The following GTF2H5 variants were observed in gnomAD, a reference collection of about 807,000 sequenced individuals.
The protein encoded by GTF2H5 is general transcription factor IIH subunit 5, also known as TFB5 ortholog.
Under a neutral mutation model 7.1 loss-of-function variants are expected in GTF2H5, and 5 were observed. The observed-to-expected ratio is 0.71, with a 90% CI of 0.37 to 1.49. The LOEUF (loss-of-function observed/expected upper bound fraction) is 1.49. GTF2H5 is among the 40% of genes most tolerant of loss of function. GTF2H5 has a pLI of 0.03. For synonymous variants in GTF2H5, 30 were observed against 31.7 expected (o/e 0.95, Z 0.18); for missense variants, 80 against 83.0 (o/e 0.96, Z 0.14).
intron 2 of GTF2H5, among the ~76,000 whole-genome samples, chr6:158,180,146 T>C (rs987106775): frequency 6.6e-6 from 1 of 152,214 alleles, no homozygotes; most frequent in Admixed American, 6.5e-5. Context: ...GTTTTTGTCA[T>C]TGGTTCTGTT....
chr6:158,169,652 T>A (rs11758927), intron 1 of GTF2H5, among the ~76,000 whole-genome samples: 1 of 53,324 alleles, frequency 1.9e-5, no homozygotes, highest in African/African-American at 1.4e-4. Context: ...TATTGTATAT[T>A]ACATATAATA....
intron 2 of GTF2H5, among the ~76,000 whole-genome samples, chr6:158,180,073 G>A (rs76338829): frequency 5.9e-5 from 9 of 151,990 alleles, no homozygotes; most frequent in East Asian, 1.9e-4. Context: ...GAATTTTGTC[G>A]AAGGCCTTTT....
chr6:158,196,803 G>C lies in GTF2H5; in HGVS notation c.*4646G>C, dbSNP rs889839457. 1 of 152,202 alleles carries C rather than the reference G, an allele frequency of 6.6e-6. No homozygotes were observed. Among genetic ancestry groups the C allele is most frequent in the African/African-American group, 2.4e-5 (1 of 41,440 alleles). The allele number at this position is 152,202 out of a possible 1,614,324, so 9.4% of individuals were successfully genotyped here. A position where few individuals can be genotyped will look rare whatever the true frequency, so the allele number is the denominator to read the frequency against. On this transcript the variant is annotated 3_prime_UTR_variant, in exon 3 of 3. Coordinates refer to ENST00000607778, the MANE Select transcript of GTF2H5 (RefSeq NM_207118.3). Reference sequence around the variant, plus strand: ...TTTTAAGAAAGGACAAGACAATGTTGAAGATGAAACCTACAGCAGCAGACC... The same window carrying C: ...TTTTAAGAAAGGACAAGACAATGTTCAAGATGAAACCTACAGCAGCAGACC...
chr6:158,174,898 T>A (rs1009575824), intron 2 of GTF2H5, among the ~76,000 whole-genome samples: 2 of 152,292 alleles, frequency 1.3e-5, no homozygotes, highest in African/African-American at 4.8e-5. Context: ...GCAAAACCAG[T>A]CTAACCATTG....
At chr6:158,188,244 C>G (rs147815090) in intron 2 of GTF2H5, among the ~76,000 whole-genome samples, 8 of 152,282 alleles carry the variant, frequency 5.3e-5, no homozygotes, top group African/African-American at 1.9e-4. Context: ...TGACTCTCCC[C>G]TCCCCAGCCA....
At chr6:158,169,918 G>A (rs1210411597) in intron 1 of GTF2H5, among the ~76,000 whole-genome samples, 2 of 149,230 alleles carry the variant, frequency 1.3e-5, no homozygotes, top group Admixed American at 6.9e-5. Flanking sequence ...TACTCGGGAG[G>A]CTGAGGTGGG....
At position 158,198,569 on chromosome 6, in the gene GTF2H5, C is replaced by T. The variant is rs1777148026; in HGVS notation, c.*6412C>T. ...AGCCATCCCTATAGGCATGCGCCACCACACTTTGCTAATCTTGTATTTTTG... is the reference window on the plus strand; with the variant it reads ...AGCCATCCCTATAGGCATGCGCCACTACACTTTGCTAATCTTGTATTTTTG... On this transcript the variant is annotated 3_prime_UTR_variant, in exon 3 of 3. Transcript: ENST00000607778. The T allele has an allele frequency of 2.6e-5, 4 of 152,236 alleles. No homozygotes were observed. Among genetic ancestry groups the T allele is most frequent in the Admixed American group, 2.6e-4 (4 of 15,278 alleles). 9.4% of individuals were successfully genotyped at this position (152,236 alleles called of 1,614,324 possible).
At chr6:158,172,847 G>A (rs929228121) in intron 2 of GTF2H5, among the ~76,000 whole-genome samples, 4 of 151,824 alleles carry the variant, frequency 2.6e-5, no homozygotes, top group African/African-American at 4.8e-5. Flanking sequence ...TTAAACCTAC[G>A]TTTTAATTTG....
At position 158,198,681 on chromosome 6, in the gene GTF2H5, C is replaced by CT. The variant is rs1562479246; in HGVS notation, c.*6524_*6525insT. 1 of 152,088 alleles carries CT rather than the reference C, an allele frequency of 6.6e-6. No individual in the cohort carries two copies. The highest frequency in any genetic ancestry group is 1.5e-5 in the Non-Finnish European group (1 of 68,062). 9.4% of individuals were successfully genotyped at this position (152,088 alleles called of 1,614,324 possible). ...CTGGCCTCCCAAAGTGGTGGGATTA[C>CT]AGGCGTGAGCCAGCGCGCCCGGCCT... On this transcript the variant is annotated 3_prime_UTR_variant, in exon 3 of 3. Transcript: ENST00000607778.
chr6:158,192,320 C>A lies in GTF2H5; in HGVS notation c.*163C>A. 1 of 604,516 alleles carries A rather than the reference C, an allele frequency of 1.7e-6. No homozygotes were observed. Among genetic ancestry groups the A allele is most frequent in the South Asian group, 2.0e-5 (1 of 51,038 alleles). 37.4% of individuals were successfully genotyped at this position (604,516 alleles called of 1,614,324 possible). On this transcript the variant is annotated 3_prime_UTR_variant, in exon 3 of 3. Coordinates refer to ENST00000607778, the MANE Select transcript of GTF2H5 (RefSeq NM_207118.3). ...TTTGTTCAGAAAAAAAGCCCCTGAA[C>A]TGATTTTGTTACCATAGAATTTAAA...
At chr6:158,190,921 T>C (rs1290656380) in intron 2 of GTF2H5, 2 of 517,298 alleles carry the variant, frequency 3.9e-6, no homozygotes, top group Non-Finnish European at 7.7e-6. Flanking sequence ...CATTTTGCTG[T>C]AAATCTGTAC....
chr6:158,174,409 C>T (rs886504279), intron 2 of GTF2H5, among the ~76,000 whole-genome samples: 1 of 152,176 alleles, frequency 6.6e-6, no homozygotes, highest in African/African-American at 2.4e-5. Flanking sequence ...GCCATTTATT[C>T]TCACCTTCAG....
chr6:158,185,711 T>C (rs1776909487), intron 2 of GTF2H5, among the ~76,000 whole-genome samples: 1 of 151,168 alleles, frequency 6.6e-6, no homozygotes, highest in Non-Finnish European at 1.5e-5. Flanking sequence ...TTTGGGGGAG[T>C]AGAATAGAAA....
At position 158,189,745 on chromosome 6, in the gene GTF2H5, A is replaced by G. The variant is rs1174129881; in HGVS notation, c.36-2232A>G. On this transcript the variant is annotated intron_variant, in intron 2 of 2. Transcript: ENST00000607778. ...GTCGTTGTAGCAAAATTTCTCAGTAAAGAGAAGACTTGGTTCTCTTCACTG... is the reference window on the plus strand; with the variant it reads ...GTCGTTGTAGCAAAATTTCTCAGTAGAGAGAAGACTTGGTTCTCTTCACTG... Among the ~76,000 whole-genome samples the G allele has an allele frequency of 2.0e-5, 3 of 152,128 alleles. No individual in the cohort carries two copies. In the East Asian group the frequency reaches 5.8e-4, roughly 29 times the overall value.
chr6:158,192,030 GGAA>G lies in GTF2H5; in HGVS notation c.94_96del (p.Lys32del), dbSNP rs774128998. The G allele has an allele frequency of 4.3e-6, 7 of 1,613,816 alleles. No homozygotes were observed. The highest frequency in any genetic ancestry group is 5.9e-6 in the Non-Finnish European group (7 of 1,179,862). ...TACTTGGATGAGTCCAATGCCCTGG[GGAA>G]GAAGTTCATCATTCAAGACATTGAT... On this transcript the variant is annotated inframe_deletion, in exon 3 of 3. Coordinates refer to ENST00000607778, the MANE Select transcript of GTF2H5 (RefSeq NM_207118.3).
intron 2 of GTF2H5, among the ~76,000 whole-genome samples, chr6:158,191,599 C>T (rs1464403144): frequency 6.6e-6 from 1 of 152,044 alleles, no homozygotes; most frequent in Non-Finnish European, 1.5e-5. Context: ...TCTCCTGCCT[C>T]AGCCTCCCAA....
intron 2 of GTF2H5, among the ~76,000 whole-genome samples, chr6:158,183,347 T>C (rs6456060): frequency 0.37 from 57,005 of 152,038 alleles, 11,958 homozygotes; most frequent in African/African-American, 0.55. Context: ...CAGGGACCCA[T>C]TTGAAGAGGC....
rs139085480 is a variant in GTF2H5 at position 158,181,762 on chromosome 6, A to G, written c.36-10215A>G. Reference sequence around the variant, plus strand: ...TCCTCCATCCCTTTATTTTGGGCCTATGTGTGTCTTTGCACATTAGATGGG... The same window carrying G: ...TCCTCCATCCCTTTATTTTGGGCCTGTGTGTGTCTTTGCACATTAGATGGG... On this transcript the variant is annotated intron_variant, in intron 2 of 2. Coordinates refer to ENST00000607778, the MANE Select transcript of GTF2H5 (RefSeq NM_207118.3). Among the ~76,000 whole-genome samples the G allele has an allele frequency of 4.0e-3, 597 of 150,584 alleles. 6 individuals are homozygous for G. Among genetic ancestry groups the G allele is most frequent in the African/African-American group, 0.014 (569 of 40,834 alleles).
In GTF2H5 at chr6:158,194,277, G is replaced by A. The variant is rs1340752064; in HGVS notation, c.*2120G>A. On this transcript the variant is annotated 3_prime_UTR_variant, in exon 3 of 3. Transcript: ENST00000607778. Reference sequence around the variant, plus strand: ...TTAGAGGAACGCCACACTTTGAGACGAATTTAAAAGTCCTTTATTTAGCTG... The same window carrying A: ...TTAGAGGAACGCCACACTTTGAGACAAATTTAAAAGTCCTTTATTTAGCTG... The A allele has an allele frequency of 6.6e-6, 1 of 152,152 alleles. No individual in the cohort carries two copies. The highest frequency in any genetic ancestry group is 2.4e-5 in the African/African-American group (1 of 41,442). 9.4% of individuals were successfully genotyped at this position (152,152 alleles called of 1,614,324 possible).
Sources: gnomAD v4.1 joint callset for allele counts (sites outside exome capture counted in the v4.1 genomes callset) on GRCh38, gnomAD v4.1.1 for gene constraint, MANE v1.5 for transcripts, NCBI Gene and HGNC (gene_info 2026-07-23, HGNC 2026-07-21) for gene names.